CDH18: variants seen among roughly 807,000 people sequenced by gnomAD.
The protein encoded by CDH18 is cadherin-18.
Under a neutral mutation model 67.9 loss-of-function variants are expected in CDH18, and 31 were observed. That is an observed-to-expected ratio of 0.46 (90% confidence interval 0.34 to 0.62). CDH18 has a LOEUF of 0.62. Ranked by LOEUF, CDH18 falls within the 20% of genes least tolerant of loss-of-function variation. The pLI, the probability that CDH18 is intolerant of heterozygous loss-of-function variation, is 0.01. For missense variants in CDH18, 890 were observed against 975.5 expected (o/e 0.91, Z 1.17); for synonymous variants, 362 against 347.2 (o/e 1.04, Z -0.48).
chr5:19,686,495 T>G (rs997526771), intron 5 of CDH18, among the ~76,000 whole-genome samples: 1 of 152,142 alleles, frequency 6.6e-6, no homozygotes, highest in Non-Finnish European at 1.5e-5. Context: ...TCATTACACA[T>G]GCAATGAGAT....
chr5:20,553,023 G>A (rs1561124215), intron 1 of CDH18, among the ~76,000 whole-genome samples: 2 of 152,102 alleles, frequency 1.3e-5, no homozygotes, highest in Admixed American at 6.6e-5. Flanking sequence ...AAAGTGCTGG[G>A]ATTACAGGAG....
At chr5:19,946,411 G>A (rs185361909) in intron 2 of CDH18, among the ~76,000 whole-genome samples, 7 of 152,180 alleles carry the variant, frequency 4.6e-5, no homozygotes, top group African/African-American at 1.7e-4. Context: ...GAAAAACAAT[G>A]AGATGTGTAA....
intron 2 of CDH18, among the ~76,000 whole-genome samples, chr5:20,251,365 C>A (rs1454330930): frequency 5.3e-5 from 8 of 151,906 alleles, no homozygotes; most frequent in Non-Finnish European, 1.0e-4. Flanking sequence ...ATGCTCACAC[C>A]GATAGATAAA....
intron 2 of CDH18, among the ~76,000 whole-genome samples, chr5:19,957,556 T>G (rs1368737499): frequency 6.6e-6 from 1 of 151,924 alleles, no homozygotes; most frequent in Non-Finnish European, 1.5e-5. Context: ...TGTTTCTATT[T>G]AGAAACATGG....
intron 5 of CDH18, among the ~76,000 whole-genome samples, chr5:19,615,173 C>T (rs957109140): frequency 6.6e-6 from 1 of 151,346 alleles, no homozygotes; most frequent in East Asian, 2.0e-4. Flanking sequence ...AAAATCATAA[C>T]GCTCTCTTCA....
chr5:20,054,633 T>C (rs1741742532), intron 2 of CDH18, among the ~76,000 whole-genome samples: 1 of 152,144 alleles, frequency 6.6e-6, no homozygotes. Flanking sequence ...CTACTTCGGG[T>C]ATATTCTTAG....
Position 20,044,952 on chromosome 5 carries a change from C to T in CDH18, c.-517-52938G>A, listed in dbSNP as rs76988559. 7.3e-3 allele frequency among the ~76,000 whole-genome samples: 1,111 copies of T among 152,160 alleles called. 15 individuals are homozygous for T. Among genetic ancestry groups the T allele is most frequent in the African/African-American group, 0.026 (1,065 of 41,536 alleles). ...GGCAAATAAAGTTTTAATATTTGCTCACTCTCTCTCTCATTGAAAATTGTA... is the reference window on the plus strand; with the variant it reads ...GGCAAATAAAGTTTTAATATTTGCTTACTCTCTCTCTCATTGAAAATTGTA... On this transcript the variant is annotated intron_variant, in intron 2 of 14. Transcript: ENST00000507958.
At position 19,503,095 on chromosome 5, in the gene CDH18, G is replaced by C; in HGVS notation, c.1527C>G (p.Ile509Met). 1 of 1,585,320 alleles carries C rather than the reference G, an allele frequency of 6.3e-7. No individual in the cohort carries two copies. The highest frequency in any genetic ancestry group is 8.7e-7 in the Non-Finnish European group (1 of 1,154,270). Residue 509 changes from isoleucine (I) to methionine (M), a missense_variant, in exon 11 of 13, where the codon ATC (isoleucine) becomes ATG (methionine). Coordinates refer to ENST00000382275, the MANE Select transcript of CDH18 (RefSeq NM_004934.5). ...NSKPGQVIHTISATDKDDFAN... is the reference protein window; with the variant it reads ...NSKPGQVIHTMSATDKDDFAN... ...CAAAATCATCTTTATCAGTGGCACTGATGGTATGAATAACCTAAAGAAAAG... is the reference window on the plus strand; with the variant it reads ...CAAAATCATCTTTATCAGTGGCACTCATGGTATGAATAACCTAAAGAAAAG...
intron 1 of CDH18, among the ~76,000 whole-genome samples, chr5:20,574,376 C>G (rs772275837): frequency 6.6e-6 from 1 of 151,832 alleles, no homozygotes; most frequent in Non-Finnish European, 1.5e-5. Flanking sequence ...GTTTTGCTGA[C>G]TTATCACAGA....
chr5:19,962,787 A>T (rs1281572106), intron 2 of CDH18, among the ~76,000 whole-genome samples: 1 of 152,066 alleles, frequency 6.6e-6, no homozygotes, highest in Admixed American at 6.6e-5. Context: ...AAAAGTAAAT[A>T]AATACATCTT....
At chr5:19,622,131 A>T (rs1750808656) in intron 5 of CDH18, among the ~76,000 whole-genome samples, 1 of 152,280 alleles carries the variant, frequency 6.6e-6, no homozygotes, top group African/African-American at 2.4e-5. Flanking sequence ...GTACCTTGGC[A>T]ATGTGATTTC....
intron 1 of CDH18, among the ~76,000 whole-genome samples, chr5:20,363,921 C>T (rs1393999434): frequency 2.0e-5 from 3 of 152,016 alleles, no homozygotes; most frequent in Non-Finnish European, 4.4e-5. Flanking sequence ...ACTACCATGT[C>T]CATTGTGCAG....
At chr5:20,171,092 C>A (rs1319414029) in intron 2 of CDH18, among the ~76,000 whole-genome samples, 1 of 151,616 alleles carries the variant, frequency 6.6e-6, no homozygotes, top group Non-Finnish European at 1.5e-5. Flanking sequence ...TGTATATGTA[C>A]CACATTTTCT....
intron 1 of CDH18, among the ~76,000 whole-genome samples, chr5:20,389,948 A>G (rs1744690049): frequency 6.6e-6 from 1 of 152,224 alleles, no homozygotes; most frequent in Non-Finnish European, 1.5e-5. Context: ...TAGAAAGCTG[A>G]AACTGGATCC....
intron 1 of CDH18, among the ~76,000 whole-genome samples, chr5:20,486,718 T>C (rs1486985682): frequency 6.7e-6 from 1 of 149,558 alleles, no homozygotes; most frequent in African/African-American, 2.5e-5. Flanking sequence ...TGTGTGTGTG[T>C]ATGTGTGTGT....
chr5:20,095,351 GAA>G, intron 2 of CDH18, among the ~76,000 whole-genome samples: 4 of 79,198 alleles, frequency 5.1e-5, no homozygotes, highest in Admixed American at 1.4e-4. Context: ...AAGAAAGAAA[GAA>G]AGAAAGAAAA....
At chr5:19,481,912 A>G (rs1300642741) in intron 12 of CDH18, among the ~76,000 whole-genome samples, 1 of 152,198 alleles carries the variant, frequency 6.6e-6, no homozygotes, top group Non-Finnish European at 1.5e-5. Flanking sequence ...AAGCAGAAAG[A>G]TTCCTTACAT....
chr5:19,903,025 C>T (rs1276304312), intron 2 of CDH18, among the ~76,000 whole-genome samples: 1 of 151,692 alleles, frequency 6.6e-6, no homozygotes, highest in Non-Finnish European at 1.5e-5. Flanking sequence ...TATAAAAATA[C>T]ATTATTTAAT....
At chr5:19,684,997 A>G (rs1408272964) in intron 5 of CDH18, among the ~76,000 whole-genome samples, 1 of 152,112 alleles carries the variant, frequency 6.6e-6, no homozygotes, top group Non-Finnish European at 1.5e-5. Flanking sequence ...TAAATTAAAG[A>G]TTCTGACTGA....
Sources: gnomAD v4.1 joint callset for allele counts (sites outside exome capture counted in the v4.1 genomes callset) on GRCh38, gnomAD v4.1.1 for gene constraint, MANE v1.5 for transcripts, NCBI Gene and HGNC (gene_info 2026-07-23, HGNC 2026-07-21) for gene names.